ANKRD17: variants seen among roughly 807,000 people sequenced by gnomAD.
ANKRD17 encodes ankyrin repeat domain 17.
Under a neutral mutation model 229.7 loss-of-function variants are expected in ANKRD17, and 19 were observed. That is an observed-to-expected ratio of 0.08 (90% CI 0.06 to 0.12). The LOEUF (loss-of-function observed/expected upper bound fraction) is 0.12. ANKRD17 is among the 10% of genes least tolerant of loss of function. The probability of loss-of-function intolerance (pLI) is 1.00; values close to 1 mark genes in which losing one functional copy is unlikely to be tolerated. For synonymous variants in ANKRD17, 1,112 were observed against 1,146.1 expected, an observed-to-expected ratio of 0.97 and a Z score of 0.60; for missense variants, 2,176 against 3,176.8, an observed-to-expected ratio of 0.68 and a Z score of 7.57.
intron 33 of ANKRD17, among the ~76,000 whole-genome samples, 159 bp downstream of exon 33, chr4:73,076,781 C>T (rs1464593927): frequency 6.6e-6 from 1 of 152,180 alleles, no homozygotes; most frequent in African/African-American, 2.4e-5. Flanking sequence ...CCTTTGGTAC[C>T]ACTGCCCACA....
At chr4:73,127,435 G>C (rs768082123) in intron 16 of ANKRD17, among the ~76,000 whole-genome samples, 1 of 151,202 alleles carries the variant, frequency 6.6e-6, no homozygotes, top group Non-Finnish European at 1.5e-5. Flanking sequence ...TTTTTAATGC[G>C]ACTACTAGAG....
intron 1 of ANKRD17, among the ~76,000 whole-genome samples, chr4:73,246,121 C>G (rs1471812067): frequency 6.6e-6 from 1 of 152,120 alleles, no homozygotes; most frequent in Non-Finnish European, 1.5e-5. Context: ...GCAAAGGAAA[C>G]AGACAGCAGT....
At chr4:73,120,043 C>T (rs1033477495) in intron 21 of ANKRD17, 119 bp downstream of exon 21, 3 of 1,125,856 alleles carry the variant, frequency 2.7e-6, no homozygotes, top group Non-Finnish European at 3.9e-6. Context: ...GGAAAAAGCA[C>T]TTGTTTATAA....
chr4:73,199,247 G>A (rs1413673808), intron 1 of ANKRD17, among the ~76,000 whole-genome samples: 1 of 151,630 alleles, frequency 6.6e-6, no homozygotes, highest in African/African-American at 2.4e-5. Context: ...GTGTGTGTGT[G>A]TGTGTGTGTG....
chr4:73,088,375 C>T (rs1041857931), intron 29 of ANKRD17, among the ~76,000 whole-genome samples: 3 of 152,178 alleles, frequency 2.0e-5, no homozygotes, highest in African/African-American at 7.2e-5. Flanking sequence ...AGTTAAACTT[C>T]AATGCTAATT....
chr4:73,110,611 T>C (rs983586419), intron 24 of ANKRD17, among the ~76,000 whole-genome samples: 1 of 152,192 alleles, frequency 6.6e-6, no homozygotes, highest in Non-Finnish European at 1.5e-5. Flanking sequence ...CAGAATGTAA[T>C]ATATCTCAAA....
intron 2 of ANKRD17, 90 bp downstream of exon 2, chr4:73,177,290 C>G: frequency 3.3e-6 from 4 of 1,213,558 alleles, no homozygotes; most frequent in Middle Eastern, 2.5e-4. Flanking sequence ...TCTAAATACC[C>G]AATATCATTC....
chr4:73,188,653 AAAAT>A (rs1392361390), intron 1 of ANKRD17, among the ~76,000 whole-genome samples: 1 of 152,190 alleles, frequency 6.6e-6, no homozygotes, highest in Non-Finnish European at 1.5e-5. Flanking sequence ...CCTGAGATTT[AAAAT>A]AAATAAATGA....
chr4:73,145,300 C>A (rs565396341), intron 10 of ANKRD17, among the ~76,000 whole-genome samples: 3 of 152,234 alleles, frequency 2.0e-5, no homozygotes, highest in East Asian at 3.9e-4. Flanking sequence ...TACATCATTA[C>A]CATCTCTTTA....
At chr4:73,101,490 C>A (rs1723975986) in intron 25 of ANKRD17, among the ~76,000 whole-genome samples, 1 of 151,808 alleles carries the variant, frequency 6.6e-6, no homozygotes, top group Admixed American at 6.6e-5. Flanking sequence ...CATGGCAAAA[C>A]CCCATCTCTA....
rs370610027 is a variant in ANKRD17 at position 73,128,141 on chromosome 4, A to G, written c.3235-2829T>C. Among the ~76,000 whole-genome samples the G allele has an allele frequency of 3.9e-5, 6 of 152,354 alleles. No homozygotes were observed. In the South Asian group the frequency reaches 1.2e-3, roughly 32 times the overall value. On this transcript the variant is annotated intron_variant, in intron 16 of 33. Transcript: ENST00000358602. The stretch of plus-strand genomic sequence containing the variant: ...CATTTCAGGTTTATAGGAAGAAATT[A>G]TATCTGATTTCAGAGAAAAGGAGAT...
At position 73,109,563 on chromosome 4, in the gene ANKRD17, G is replaced by C. The variant is rs181629982; in HGVS notation, c.4401+4229C>G. Among the ~76,000 whole-genome samples the C allele has an allele frequency of 2.4e-3, 362 of 152,240 alleles. 3 individuals carry two copies. The highest frequency in any genetic ancestry group is 8.1e-3 in the African/African-American group (335 of 41,548). On this transcript the variant is annotated intron_variant, in intron 24 of 33. Transcript: ENST00000358602. ...AAGGTGAAAGAGAGGTGGTGCTGGAGTTCCTAGGATAAGGGAGAAAGTAAG... is the reference window on the plus strand; with the variant it reads ...AAGGTGAAAGAGAGGTGGTGCTGGACTTCCTAGGATAAGGGAGAAAGTAAG...
In ANKRD17 at chr4:73,142,563, T is replaced by C; in HGVS notation, c.2085+77A>G. ...TTAGAATGCCATTATGAATGGAACT[T>C]GTACATGATATGTTGTAACAATGAC... On this transcript the variant is annotated intron_variant, in intron 12 of 33. Coordinates refer to ENST00000358602, the MANE Select transcript of ANKRD17 (RefSeq NM_032217.5). 3.1e-6 allele frequency: 5 copies of C among 1,606,594 alleles called. No individual in the cohort carries two copies. The South Asian group carries it at 5.6e-5, about 18-fold the overall frequency.
intron 1 of ANKRD17, among the ~76,000 whole-genome samples, chr4:73,191,480 AG>A (rs773081393): frequency 7.8e-4 from 119 of 151,710 alleles, no homozygotes; most frequent in Non-Finnish European, 1.4e-3. Flanking sequence ...ATAATTTTGT[AG>A]ACAAGAAAGC....
At chr4:73,124,779 A>T in intron 18 of ANKRD17, 134 bp downstream of exon 18, 2 of 1,112,686 alleles carry the variant, frequency 1.8e-6, no homozygotes, top group Non-Finnish European at 2.5e-6. Flanking sequence ...TCTTTTTGTT[A>T]ATAGATAATA....
intron 1 of ANKRD17, among the ~76,000 whole-genome samples, chr4:73,191,898 C>T (rs1737155943): frequency 6.6e-6 from 1 of 151,976 alleles, no homozygotes; most frequent in South Asian, 2.1e-4. Context: ...AAAATACTTG[C>T]ACATGTAAGC....
intron 1 of ANKRD17, among the ~76,000 whole-genome samples, chr4:73,198,575 T>G (rs916235542): frequency 6.6e-6 from 1 of 152,132 alleles, no homozygotes; most frequent in South Asian, 2.1e-4. Flanking sequence ...AAAGAAAAAT[T>G]AAATGTTATT....
At position 73,148,870 on chromosome 4, in the gene ANKRD17, A is replaced by G. The variant is rs540874378; in HGVS notation, c.1510T>C (p.Leu504=). The change falls in exon 8 of 34, where the codon TTG becomes CTG. Residue 504 remains leucine, a synonymous_variant. Coordinates refer to ENST00000358602, the MANE Select transcript of ANKRD17 (RefSeq NM_032217.5). The part of the protein sequence containing the change: ...EEVNDEGYTP[L]MEAAREGHEE... ...TGTCCTTCTCGAGCTGCTTCCATCA[A>G]TGGTGTATAACCTTCATCATTGACC... 5 of 1,614,000 alleles carry G rather than the reference A, an allele frequency of 3.1e-6. No homozygotes were observed. The highest frequency in any genetic ancestry group is 2.2e-5 in the East Asian group (1 of 44,862).
chr4:73,168,726 T>C (rs948120706), intron 2 of ANKRD17, among the ~76,000 whole-genome samples: 36 of 152,256 alleles, frequency 2.4e-4, no homozygotes, highest in Admixed American at 2.4e-3. Context: ...TTGTCATTAA[T>C]GCACATAACC....
Sources: gnomAD v4.1 joint callset for allele counts (sites outside exome capture counted in the v4.1 genomes callset) on GRCh38, gnomAD v4.1.1 for gene constraint, MANE v1.5 for transcripts, NCBI Gene and HGNC (gene_info 2026-07-23, HGNC 2026-07-21) for gene names.